FAT3: variants seen among roughly 807,000 people sequenced by gnomAD.
FAT3 encodes FAT atypical cadherin 3.
In FAT3, 95 loss-of-function variants were observed where a neutral mutation model predicts 310.2. That is an observed-to-expected ratio of 0.31 (90% CI 0.26 to 0.36). FAT3 has a LOEUF of 0.36. Ranked by LOEUF, FAT3 falls within the 10% of genes least tolerant of loss-of-function variation. FAT3 has a pLI of 1.00. For missense variants in FAT3, 5,408 were observed against 5,715.6 expected (o/e 0.95, Z 1.74); for synonymous variants, 2,314 against 2,192.9 (o/e 1.06, Z -1.54).
At chr11:92,612,968 G>A (rs1379359948) in intron 3 of FAT3, among the ~76,000 whole-genome samples, 3 of 152,152 alleles carry the variant, frequency 2.0e-5, no homozygotes, top group Admixed American at 6.6e-5. Context: ...AGTGTTGGGA[G>A]GAAAAGACTG....
At chr11:92,591,475 A>C (rs1939424535) in intron 3 of FAT3, among the ~76,000 whole-genome samples, 2 of 152,226 alleles carry the variant, frequency 1.3e-5, no homozygotes, top group Admixed American at 1.3e-4. Flanking sequence ...CAAAGAGTAT[A>C]TTAGTTTAAC....
intron 21 of FAT3, among the ~76,000 whole-genome samples, chr11:92,865,222 A>T (rs985079273): frequency 6.6e-6 from 1 of 152,236 alleles, no homozygotes; most frequent in African/African-American, 2.4e-5. Context: ...CAGAAATGAG[A>T]GTCCCTAAGA....
chr11:92,883,094 G>A lies in FAT3; in HGVS notation c.12638G>A (p.Arg4213His), dbSNP rs746155037. The A allele has an allele frequency of 2.9e-5, 46 of 1,613,684 alleles. No individual in the cohort carries two copies. The highest frequency in any genetic ancestry group is 3.6e-5 in the Non-Finnish European group (43 of 1,179,908). ...KSNGIPFRNL[R>H]GSGDGRNVYQ... ...AATGGCATCCCGTTCCGGAACCTGC[G>A]CGGCAGTGGGGACGGCCGCAACGTC... The change falls in exon 24 of 28, where the codon CGC (arginine) becomes CAC (histidine). Residue 4213 changes from arginine to histidine, a missense_variant. Physicochemically the swap from Arg to His is conservative, Grantham distance 29. Coordinates refer to ENST00000525166, the MANE Select transcript of FAT3 (RefSeq NM_001367949.2). This position sits in a 1 kb window ranked among gnomAD's most constrained non-coding sequence, Gnocchi z 4.2.
intron 3 of FAT3, among the ~76,000 whole-genome samples, chr11:92,632,621 G>C (rs1460382742): frequency 6.6e-6 from 1 of 152,208 alleles, no homozygotes; most frequent in Non-Finnish European, 1.5e-5. Context: ...GCATATGAAA[G>C]GAGAGGAGTT....
In FAT3 at chr11:92,352,499, A is replaced by G. The variant is rs547765194; in HGVS notation, c.387A>G (p.Val129=). The G allele has an allele frequency of 2.4e-5, 38 of 1,613,016 alleles. No homozygotes were observed. In the East Asian group the frequency reaches 7.4e-4, roughly 31 times the overall value. The change falls in exon 2 of 28, where the codon GTA becomes GTG. Residue 129 remains valine, a synonymous_variant. Coordinates refer to ENST00000525166, the MANE Select transcript of FAT3 (RefSeq NM_001367949.2). ...TCCAGGATAATTATTTATTGATAGT[A>G]AAAGGTTCTGTCAGAGGAGAGGATT... ...REIQDNYLLI[V]KGSVRGEDLE...
intron 1 of FAT3, among the ~76,000 whole-genome samples, chr11:92,261,982 ACT>A (rs1394093985): frequency 1.4e-5 from 2 of 147,984 alleles, no homozygotes; most frequent in South Asian, 2.1e-4. Context: ...ATACATATTT[ACT>A]CTCTCTTTTT....
chr11:92,866,026 C>A (rs1409970129), intron 21 of FAT3, among the ~76,000 whole-genome samples: 3 of 152,184 alleles, frequency 2.0e-5, no homozygotes, highest in African/African-American at 7.2e-5. Context: ...GGAAGATAAC[C>A]TTTACCTAAA....
chr11:92,230,474 A>G (rs1044407506), intron 1 of FAT3, among the ~76,000 whole-genome samples: 3 of 151,940 alleles, frequency 2.0e-5, no homozygotes, highest in African/African-American at 7.3e-5. Flanking sequence ...TTATATTTTT[A>G]GTAGACAGGG....
At chr11:92,568,326 A>T (rs567767421) in intron 3 of FAT3, among the ~76,000 whole-genome samples, 4 of 152,284 alleles carry the variant, frequency 2.6e-5, no homozygotes, top group African/African-American at 7.2e-5. Context: ...CCCTTTATCC[A>T]TGAATTAGAT....
chr11:92,563,916 C>T (rs1444270961), intron 3 of FAT3, among the ~76,000 whole-genome samples: 2 of 151,972 alleles, frequency 1.3e-5, no homozygotes, highest in South Asian at 2.1e-4. Flanking sequence ...CAACCGGTAC[C>T]AGCCGCTGCA....
chr11:92,311,862 G>A (rs926763608), intron 1 of FAT3, among the ~76,000 whole-genome samples: 1 of 152,132 alleles, frequency 6.6e-6, no homozygotes, highest in Admixed American at 6.5e-5. Context: ...GTGTCAGCAG[G>A]AGGGCTTTAT....
chr11:92,515,622 A>G (rs528271472), intron 2 of FAT3, among the ~76,000 whole-genome samples: 1 of 152,212 alleles, frequency 6.6e-6, no homozygotes, highest in African/African-American at 2.4e-5. Flanking sequence ...TATTTACTGG[A>G]TGAGTGATCA....
At position 92,759,876 on chromosome 11, in the gene FAT3, A is replaced by G. The variant is rs139461486; in HGVS notation, c.3670-1980A>G. Among the ~76,000 whole-genome samples, 820 of 152,248 alleles carry G rather than the reference A, an allele frequency of 5.4e-3. 14 individuals are homozygous for G. The highest frequency in any genetic ancestry group is 0.019 in the African/African-American group (783 of 41,552). On this transcript the variant is annotated intron_variant, in intron 4 of 27. Transcript: ENST00000525166. ...GCTCCAGAACACTGTCTCAGAGCCC[A>G]TTGCAGGGCATTAATTGACAAGGAG...
intron 22 of FAT3, 50 bp downstream of exon 22, chr11:92,867,259 T>G (rs1591831923): frequency 4.1e-6 from 6 of 1,473,836 alleles, no homozygotes; most frequent in Non-Finnish European, 5.4e-6. Flanking sequence ...GAGGGGAGAG[T>G]GAATGAACTG....
intron 4 of FAT3, among the ~76,000 whole-genome samples, chr11:92,728,026 T>C (rs1792371): frequency 0.59 from 89,045 of 152,062 alleles, 27,963 homozygotes; most frequent in African/African-American, 0.83. Flanking sequence ...ACAAGTGTAC[T>C]GAACAACTGG....
At chr11:92,430,091 C>T (rs1313261294) in intron 2 of FAT3, among the ~76,000 whole-genome samples, 1 of 152,110 alleles carries the variant, frequency 6.6e-6, no homozygotes, top group African/African-American at 2.4e-5. Context: ...ATTCTTTATT[C>T]TCTAATCTTG....
At chr11:92,242,374 A>G (rs1864700857) in intron 1 of FAT3, among the ~76,000 whole-genome samples, 1 of 152,092 alleles carries the variant, frequency 6.6e-6, no homozygotes, top group African/African-American at 2.4e-5. Context: ...AAAGGACAAC[A>G]GAAAACTACT....
At chr11:92,694,555 A>G (rs1943885024) in intron 3 of FAT3, among the ~76,000 whole-genome samples, 2 of 152,310 alleles carry the variant, frequency 1.3e-5, no homozygotes, top group African/African-American at 4.8e-5. Context: ...AAAACAAGTG[A>G]ATGTCCTAAA....
chr11:92,715,507 TTTAA>T (rs1313608679), intron 4 of FAT3, among the ~76,000 whole-genome samples: 5 of 152,082 alleles, frequency 3.3e-5, no homozygotes, highest in Non-Finnish European at 7.4e-5. Flanking sequence ...TGGTGTGAGA[TTTAA>T]TTGACAGTCC....
Sources: allele counts gnomAD v4.1 joint callset (sites outside exome capture counted in the v4.1 genomes callset), GRCh38; gene constraint gnomAD v4.1.1; non-coding constraint Gnocchi (gnomAD v3.1); transcripts MANE v1.5; gene names NCBI Gene and HGNC (gene_info 2026-07-23, HGNC 2026-07-21).